The following PEAK1 variants were observed in gnomAD, a reference collection of about 807,000 sequenced individuals.
PEAK1 encodes inactive tyrosine-protein kinase PEAK1.
Under a neutral mutation model 124.7 loss-of-function variants are expected in PEAK1, and 54 were observed. The observed-to-expected ratio is 0.43, with a 90% CI of 0.35 to 0.54. The LOEUF (loss-of-function observed/expected upper bound fraction) is 0.54. Ranked by LOEUF, PEAK1 falls within the 20% of genes least tolerant of loss-of-function variation. The pLI, the probability that PEAK1 is intolerant of heterozygous loss-of-function variation, is 0.01. For missense variants in PEAK1, 2,046 were observed against 2,134.5 expected (o/e 0.96, Z 0.82); for synonymous variants, 719 against 760.0 (o/e 0.95, Z 0.89).
intron 6 of PEAK1, among the ~76,000 whole-genome samples, chr15:77,192,707 G>T (rs536095160): frequency 1.3e-5 from 2 of 152,028 alleles, no homozygotes; most frequent in Non-Finnish European, 2.9e-5. Flanking sequence ...CATTCCTATC[G>T]TAACCACTCA....
chr15:77,352,630 C>G (rs956291361), intron 2 of PEAK1: 2 of 954,112 alleles, frequency 2.1e-6, no homozygotes, highest in Non-Finnish European at 2.5e-6. Flanking sequence ...TCATGAATAA[C>G]TGAATATTTC....
rs554684715 is a variant in PEAK1, at chr15:77,302,100, T to G, written c.-602-15596A>C. On this transcript the variant is annotated intron_variant, in intron 2 of 9. Transcript: ENST00000682557. ...TCTGTCACTCCGGAGGCTCCATACATCTTGTATATTTCCTACCCCAGGGCT... is the reference window on the plus strand; with the variant it reads ...TCTGTCACTCCGGAGGCTCCATACAGCTTGTATATTTCCTACCCCAGGGCT... Among the ~76,000 whole-genome samples the G allele has an allele frequency of 7.9e-5, 12 of 152,154 alleles. No homozygotes were observed. The South Asian group carries it at 2.5e-3, about 32-fold the overall frequency.
chr15:77,199,106 T>C (rs2058241175), intron 6 of PEAK1, among the ~76,000 whole-genome samples: 1 of 152,216 alleles, frequency 6.6e-6, no homozygotes, highest in Non-Finnish European at 1.5e-5. Flanking sequence ...TCTATAAAGC[T>C]AGTAATCCCC....
In PEAK1 at chr15:77,257,781, T is replaced by C. The variant is rs570862380; in HGVS notation, c.-274-5255A>G. ...CTTTTGTTGCCATTGCTTTTGGTGT[T>C]TTAGACATGAAGTCCTTGCCTGTGC... On this transcript the variant is annotated intron_variant, in intron 5 of 9. Coordinates refer to ENST00000682557, the MANE Select transcript of PEAK1 (RefSeq NM_001385026.1). Among the ~76,000 whole-genome samples the C allele has an allele frequency of 7.2e-5, 11 of 152,182 alleles. No homozygotes were observed. In the South Asian group the frequency reaches 2.3e-3, roughly 32 times the overall value.
chr15:77,289,339 A>G (rs1038938740), intron 2 of PEAK1, among the ~76,000 whole-genome samples: 4 of 152,228 alleles, frequency 2.6e-5, no homozygotes, highest in Non-Finnish European at 5.9e-5. Context: ...TGAAATTAGA[A>G]TAAGGTAACA....
intron 2 of PEAK1, among the ~76,000 whole-genome samples, chr15:77,297,520 T>C (rs182364839): frequency 6.6e-6 from 1 of 151,844 alleles, no homozygotes; most frequent in South Asian, 2.1e-4. Flanking sequence ...GGGCAGTTTA[T>C]CTTAGTGCAA....
chr15:77,270,565 T>G (rs1006887397), intron 5 of PEAK1, among the ~76,000 whole-genome samples: 1 of 152,228 alleles, frequency 6.6e-6, no homozygotes, highest in Non-Finnish European at 1.5e-5. Flanking sequence ...GGAATCCAAC[T>G]TACAAGGGAT....
rs2057263303 is a variant in PEAK1, at chr15:77,181,421, T to C, written c.506A>G (p.Glu169Gly). 5 of 1,614,202 alleles carry C rather than the reference T, an allele frequency of 3.1e-6. No homozygotes were observed. The highest frequency in any genetic ancestry group is 4.2e-6 in the Non-Finnish European group (5 of 1,180,028). Reference sequence around the variant, plus strand: ...CAAGAATGTTTCTCTGGAGTTTGTTTCATTTCCTCTTATCTGAGGGGCAGT... The same window carrying C: ...CAAGAATGTTTCTCTGGAGTTTGTTCCATTTCCTCTTATCTGAGGGGCAGT... Reference protein sequence around the residue: ...LDTAPQIRGNETNSRETFLGR... With the variant: ...LDTAPQIRGNGTNSRETFLGR... The change falls in exon 7 of 10, where the codon GAA (glutamate) becomes GGA (glycine). Residue 169 changes from glutamate to glycine, a missense_variant. Coordinates refer to ENST00000682557, the MANE Select transcript of PEAK1 (RefSeq NM_001385026.1).
At chr15:77,385,589 C>T (rs1002428179) in intron 1 of PEAK1, among the ~76,000 whole-genome samples, 1 of 152,100 alleles carries the variant, frequency 6.6e-6, no homozygotes, top group Non-Finnish European at 1.5e-5. Flanking sequence ...TAACCCAGCC[C>T]AGATACTTCG....
intron 1 of PEAK1, among the ~76,000 whole-genome samples, chr15:77,384,095 T>C (rs1445028794): frequency 2.0e-5 from 3 of 152,124 alleles, no homozygotes; most frequent in Non-Finnish European, 4.4e-5. Flanking sequence ...TTCCCTTATT[T>C]ACCTGAGGGA....
At chr15:77,161,998 CA>C (rs1445069559) in intron 7 of PEAK1, among the ~76,000 whole-genome samples, 1 of 143,844 alleles carries the variant, frequency 7.0e-6, no homozygotes, top group Non-Finnish European at 1.5e-5. Flanking sequence ...AAAAGAGAGA[CA>C]GGGGAAAAGG....
At chr15:77,365,915 TGTAAAA>T (rs1358647419) in intron 1 of PEAK1, among the ~76,000 whole-genome samples, 3 of 151,992 alleles carry the variant, frequency 2.0e-5, no homozygotes, top group African/African-American at 7.2e-5. Flanking sequence ...AATCTGGAAA[TGTAAAA>T]GTAAATCAAT....
chr15:77,217,935 T>C (rs1183200865), intron 6 of PEAK1, among the ~76,000 whole-genome samples: 1 of 152,198 alleles, frequency 6.6e-6, no homozygotes, highest in Non-Finnish European at 1.5e-5. Flanking sequence ...ATTGCAAATA[T>C]ATAGAAATGA....
In PEAK1 at chr15:77,112,163, C is replaced by T. The variant is rs1322793927; in HGVS notation, c.*1993G>A. The T allele has an allele frequency of 1.3e-5, 2 of 152,230 alleles. No homozygotes were observed. Among genetic ancestry groups the T allele is most frequent in the Non-Finnish European group, 2.9e-5 (2 of 68,048 alleles). The allele number at this position is 152,230 out of a possible 1,614,324, so 9.4% of individuals were successfully genotyped here. A position where few individuals can be genotyped will look rare whatever the true frequency, so the allele number is the denominator to read the frequency against. On this transcript the variant is annotated 3_prime_UTR_variant, in exon 10 of 10. Coordinates refer to ENST00000682557, the MANE Select transcript of PEAK1 (RefSeq NM_001385026.1). ...CAAGACTCTTTGTGGGCTAACCAGCCTTCTTTCCTGTGAGTCCTATATTGC... is the reference window on the plus strand; with the variant it reads ...CAAGACTCTTTGTGGGCTAACCAGCTTTCTTTCCTGTGAGTCCTATATTGC...
chr15:77,252,266 A>T, intron 6 of PEAK1, 101 bp downstream of exon 6: 1 of 623,422 alleles, frequency 1.6e-6, no homozygotes, highest in Non-Finnish European at 2.0e-6. Flanking sequence ...CTTTATCTAT[A>T]GTTTGGCATT....
At chr15:77,373,592 C>A (rs1373102526) in intron 1 of PEAK1, among the ~76,000 whole-genome samples, 4 of 152,190 alleles carry the variant, frequency 2.6e-5, no homozygotes, top group Non-Finnish European at 4.4e-5. Context: ...CCCAGTCTCC[C>A]CACCACCACT....
At chr15:77,159,067 T>C (rs1470603174) in intron 7 of PEAK1, among the ~76,000 whole-genome samples, 1 of 152,204 alleles carries the variant, frequency 6.6e-6, no homozygotes, top group Admixed American at 6.5e-5. Context: ...TTACTAATTA[T>C]AGTATTCTAA....
chr15:77,303,299 G>A (rs1165863371), intron 2 of PEAK1, among the ~76,000 whole-genome samples: 4 of 152,146 alleles, frequency 2.6e-5, no homozygotes, highest in Non-Finnish European at 5.9e-5. Flanking sequence ...TGATTTGCAT[G>A]GTATGATCAT....
At chr15:77,102,227 GTGAC>G (rs2050701327) in exon 7 of PEAK1, 1 of 152,146 alleles carries the variant, frequency 6.6e-6, no homozygotes, top group Admixed American at 6.5e-5. Context: ...GGGTTCTTCT[GTGAC>G]TTCTCTGTTC....
Sources: gnomAD v4.1 joint callset for allele counts (sites outside exome capture counted in the v4.1 genomes callset) on GRCh38, gnomAD v4.1.1 for gene constraint, MANE v1.5 for transcripts, NCBI Gene and HGNC (gene_info 2026-07-23, HGNC 2026-07-21) for gene names.